VPS53: variants seen among roughly 807,000 people sequenced by gnomAD.
The protein encoded by VPS53 is vacuolar protein sorting-associated protein 53 homolog.
A neutral mutation model predicts 107.0 loss-of-function variants in VPS53; 70 were observed. The observed-to-expected ratio is 0.65, with a 90% CI of 0.54 to 0.80. The LOEUF is 0.80. Among genes scored for constraint, VPS53 ranks in the 30% least tolerant of loss-of-function variants. The pLI is 0.00. For missense variants in VPS53, 917 were observed against 1,049.4 expected (o/e 0.87, Z 1.74); for synonymous variants, 409 against 393.3 (o/e 1.04, Z -0.47).
chr17:692,959 T>C (rs1397152504), intron 4 of VPS53, among the ~76,000 whole-genome samples: 1 of 151,588 alleles, frequency 6.6e-6, no homozygotes, highest in Non-Finnish European at 1.5e-5. Flanking sequence ...CATGGTGAAA[T>C]CCCGTCTCTA....
chr17:585,066 T>A (rs951114063), intron 13 of VPS53, among the ~76,000 whole-genome samples: 14 of 152,158 alleles, frequency 9.2e-5, no homozygotes, highest in African/African-American at 3.1e-4. Context: ...AAAAGTTTGA[T>A]GAGAGCAGGA....
chr17:597,427 G>A (rs929862041), intron 12 of VPS53, among the ~76,000 whole-genome samples: 3 of 152,192 alleles, frequency 2.0e-5, no homozygotes, highest in East Asian at 3.9e-4. Context: ...GCCAGGGCTG[G>A]TGACGCAGCA....
Position 655,824 on chromosome 17 carries a change from T to G in VPS53, c.488+14A>C. ...TTTCCCGTGGCCCCAAAAGAGAAAG[T>G]TGGCATTGCTTACTCGAGGGAGTCG... On this transcript the variant is annotated intron_variant, in intron 6 of 21. Coordinates refer to ENST00000437048, the MANE Select transcript of VPS53 (RefSeq NM_001128159.3). 6.2e-7 allele frequency: 1 copy of G among 1,605,268 alleles called. No homozygotes were observed. The highest frequency in any genetic ancestry group is 1.1e-5 in the South Asian group (1 of 89,806).
chr17:628,146 T>C lies in VPS53; in HGVS notation c.773A>G (p.Lys258Arg), dbSNP rs1409692529. 1 of 1,614,030 alleles carries C rather than the reference T, an allele frequency of 6.2e-7. No individual in the cohort carries two copies. The change falls in exon 9 of 22, where the codon AAA (lysine) becomes AGA (arginine). Residue 258 changes from lysine to arginine, a missense_variant. Physicochemically the swap from Lys to Arg is conservative, Grantham distance 26. Transcript: ENST00000437048. ...LDPRIKQEII[K>R]KFIKQHLSEY... Reference sequence around the variant, plus strand: ...TGACAGATGCTGTTTAATAAACTTTTTGATGATTTCCTGTTTGATCCTGGG... The same window carrying C: ...TGACAGATGCTGTTTAATAAACTTTCTGATGATTTCCTGTTTGATCCTGGG...
At chr17:709,801 T>C (rs1367037212) in intron 2 of VPS53, among the ~76,000 whole-genome samples, 2 of 152,070 alleles carry the variant, frequency 1.3e-5, no homozygotes, top group Non-Finnish European at 2.9e-5. Context: ...AGAAAATCCA[T>C]CTCCACAGGA....
chr17:532,599 G>A (rs1909678235), intron 19 of VPS53: 1 of 962,934 alleles, frequency 1.0e-6, no homozygotes, highest in Admixed American at 3.7e-5. Flanking sequence ...CTAGGAGCAG[G>A]GACCTTTCCA....
At chr17:662,501 A>C (rs866277236) in intron 4 of VPS53, among the ~76,000 whole-genome samples, 1 of 152,116 alleles carries the variant, frequency 6.6e-6, no homozygotes, top group East Asian at 1.9e-4. Context: ...CATCCTGGCT[A>C]ACACGGTGAA....
At chr17:638,030 A>G (rs994004532) in intron 7 of VPS53, among the ~76,000 whole-genome samples, 6 of 152,190 alleles carry the variant, frequency 3.9e-5, no homozygotes, top group Admixed American at 6.5e-5. Flanking sequence ...AAAGTCTCCC[A>G]TTACTATTGT....
chr17:699,775 G>A (rs1347998984), intron 2 of VPS53, among the ~76,000 whole-genome samples: 2 of 152,128 alleles, frequency 1.3e-5, no homozygotes, highest in African/African-American at 2.4e-5. Context: ...TTCACGTAAC[G>A]AAATACAGCA....
chr17:674,555 G>A (rs384948), intron 4 of VPS53: 152,269 of 152,358 alleles, frequency 1, 76,090 homozygotes, highest in Non-Finnish European at 1. Context: ...CTGTATTTTC[G>A]GCAGCACAGG....
intron 18 of VPS53, among the ~76,000 whole-genome samples, chr17:533,599 G>C (rs1909775119): frequency 6.6e-6 from 1 of 152,212 alleles, no homozygotes; most frequent in African/African-American, 2.4e-5. Context: ...CTCAGATCCT[G>C]TTCAACGGCG....
rs1006388428 is a variant in VPS53 at position 684,344 on chromosome 17, T to C, written c.285+13074A>G. 5.9e-5 allele frequency among the ~76,000 whole-genome samples: 9 copies of C among 152,024 alleles called. 1 individual carries two copies. The highest frequency in any genetic ancestry group is 3.2e-3 in the Middle Eastern group (1 of 316). On this transcript the variant is annotated intron_variant, in intron 4 of 21. Coordinates refer to ENST00000437048, the MANE Select transcript of VPS53 (RefSeq NM_001128159.3). ...AAAAAAAATTCCTGAAACTAATAAG[T>C]GAGTTCAGCAAAGCTGCACAATATA...
intron 5 of VPS53, chr17:656,661 A>T: frequency 1.8e-6 from 1 of 552,816 alleles, no homozygotes; most frequent in Non-Finnish European, 3.2e-6. Context: ...ACCCAGGTGA[A>T]ATCATCCACT....
chr17:562,936 A>T (rs1913161253), intron 13 of VPS53, among the ~76,000 whole-genome samples, 191 bp from the exon 14 acceptor site: 2 of 152,136 alleles, frequency 1.3e-5, no homozygotes, highest in African/African-American at 4.8e-5. Flanking sequence ...GCAGTAATAA[A>T]ATCTGACATA....
chr17:536,963 G>A, intron 18 of VPS53, 65 bp downstream of exon 18: 1 of 1,588,436 alleles, frequency 6.3e-7, no homozygotes, highest in Non-Finnish European at 8.6e-7. Flanking sequence ...ACCTGAAACT[G>A]TTCTAAAACA....
chr17:572,936 T>C (rs1308158508), intron 13 of VPS53, among the ~76,000 whole-genome samples: 2 of 151,838 alleles, frequency 1.3e-5, no homozygotes, highest in Admixed American at 1.3e-4. Context: ...GAGACCTTTG[T>C]TCACTTGTTT....
intron 15 of VPS53, among the ~76,000 whole-genome samples, chr17:554,904 G>A (rs978760079): frequency 2.6e-5 from 4 of 152,154 alleles, no homozygotes; most frequent in African/African-American, 7.2e-5. Context: ...ACAAAGATAT[G>A]CAAGTATTTT....
chr17:607,243 A>T (rs940039200), intron 11 of VPS53, among the ~76,000 whole-genome samples: 13 of 152,160 alleles, frequency 8.5e-5, no homozygotes, highest in African/African-American at 3.1e-4. Context: ...CCATAAGTGG[A>T]GCCTCGTCCC....
chr17:604,410 C>A (rs911428593), intron 11 of VPS53, among the ~76,000 whole-genome samples: 1 of 152,096 alleles, frequency 6.6e-6, no homozygotes. Flanking sequence ...AACCTACTCT[C>A]GCCGGTGTAA....
Sources: gnomAD v4.1 joint callset for allele counts (sites outside exome capture counted in the v4.1 genomes callset) on GRCh38, gnomAD v4.1.1 for gene constraint, MANE v1.5 for transcripts, NCBI Gene and HGNC (gene_info 2026-07-23, HGNC 2026-07-21) for gene names.